Variants in RANGAP1 observed in about 807,000 individuals in gnomAD.
RANGAP1 encodes Ran GTPase activating protein 1, also known as ran GTPase-activating protein 1.
Under a neutral mutation model 63.5 loss-of-function variants are expected in RANGAP1, and 38 were observed. The observed-to-expected ratio is 0.60, with a 90% CI of 0.46 to 0.78. RANGAP1 has a LOEUF of 0.78. RANGAP1 is among the 30% of genes least tolerant of loss of function. The probability of loss-of-function intolerance (pLI) is 0.00; values close to 1 mark genes in which losing one functional copy is unlikely to be tolerated. For missense variants in RANGAP1, 630 were observed against 740.3 expected, an observed-to-expected ratio of 0.85 and a Z score of 1.73; for synonymous variants, 329 against 310.5, an observed-to-expected ratio of 1.06 and a Z score of -0.63.
chr22:41,249,965 C>A, intron 13 of RANGAP1, 148 bp from the exon 14 acceptor site: 1 of 683,110 alleles, frequency 1.5e-6, no homozygotes, highest in East Asian at 2.7e-5. Context: ...ACGGCAGAGA[C>A]ACAGGAACCA....
At chr22:41,274,315 A>T (rs1428650901) in intron 3 of RANGAP1, among the ~76,000 whole-genome samples, 2 of 152,234 alleles carry the variant, frequency 1.3e-5, no homozygotes, top group Non-Finnish European at 2.9e-5. Flanking sequence ...CCCACCTCAC[A>T]TGTGACAGCT....
At chr22:41,295,112 C>T in the RANGAP1 span, among the ~76,000 whole-genome samples, 3 of 149,730 alleles carry the variant, frequency 2.0e-5, no homozygotes, top group East Asian at 2.1e-4. Context: ...CCTCCCCGTC[C>T]GGGAGGTGAG....
intron 4 of RANGAP1, among the ~76,000 whole-genome samples, chr22:41,266,252 T>TAGACCTGAAGCAACCAC (rs1555938115): frequency 2.0e-5 from 3 of 150,790 alleles, no homozygotes; most frequent in South Asian, 2.1e-4. Context: ...AACTGACCTC[T>TAGACCTGAAGCAACCAC]AGCTGCTCAA....
chr22:41,265,567 C>T (rs1260089192), intron 4 of RANGAP1, among the ~76,000 whole-genome samples: 1 of 152,118 alleles, frequency 6.6e-6, no homozygotes. Context: ...ACAAATGCCT[C>T]CAGGGTTTCT....
chr22:41,292,789 A>T, the RANGAP1 span, among the ~76,000 whole-genome samples: 1 of 151,782 alleles, frequency 6.6e-6, no homozygotes, highest in Non-Finnish European at 1.5e-5. Context: ...CCAAAATGGA[A>T]ACAATTTTTT....
At chr22:41,292,483 G>A in the RANGAP1 span, among the ~76,000 whole-genome samples, 1 of 152,080 alleles carries the variant, frequency 6.6e-6, no homozygotes, top group Admixed American at 6.6e-5. Flanking sequence ...TCTTGTGGCC[G>A]GGTGCAATGT....
At chr22:41,268,249 T>C (rs2034599137) in intron 3 of RANGAP1, 93 bp from the exon 4 acceptor site, 1 of 1,075,308 alleles carries the variant, frequency 9.3e-7, no homozygotes. Context: ...TACCAGAGCA[T>C]CACAAGACTT....
chr22:41,251,964 G>A (rs767902855), intron 12 of RANGAP1, among the ~76,000 whole-genome samples: 5 of 152,144 alleles, frequency 3.3e-5, no homozygotes, highest in Admixed American at 1.3e-4. Context: ...GCAATTGGCC[G>A]AAATGTTAAG....
chr22:41,246,825 G>A (rs185715812), intron 15 of RANGAP1, among the ~76,000 whole-genome samples, 153 bp from the exon 16 acceptor site: 2 of 152,324 alleles, frequency 1.3e-5, no homozygotes, highest in Admixed American at 1.3e-4. Flanking sequence ...CACCGTGGGT[G>A]GGGATGGGAG....
the RANGAP1 span, among the ~76,000 whole-genome samples, chr22:41,296,608 C>A: frequency 6.7e-6 from 1 of 149,880 alleles, no homozygotes; most frequent in South Asian, 2.1e-4. Flanking sequence ...GATTGTGCCA[C>A]TACACTCTAG....
the RANGAP1 span, among the ~76,000 whole-genome samples, chr22:41,292,084 G>C: frequency 6.6e-6 from 1 of 150,836 alleles, no homozygotes; most frequent in South Asian, 2.1e-4. Flanking sequence ...TTACTGACAC[G>C]TGCCACCATG....
At chr22:41,295,289 G>A in the RANGAP1 span, among the ~76,000 whole-genome samples, 3 of 151,616 alleles carry the variant, frequency 2.0e-5, no homozygotes, top group African/African-American at 7.3e-5. Context: ...TTGAGAAATC[G>A]GATGGTTGCC....
chr22:41,286,277 C>G (rs896665517), upstream of RANGAP1: 1 of 152,298 alleles, frequency 6.6e-6, no homozygotes, highest in Non-Finnish European at 1.5e-5. Flanking sequence ...TTGCCCTCGC[C>G]CCGCTCGCGC....
intron 1 of RANGAP1, chr22:41,285,336 G>T: frequency 4.1e-6 from 1 of 243,224 alleles, no homozygotes; most frequent in Non-Finnish European, 6.6e-6. Flanking sequence ...GAGAGAGCGA[G>T]ACAGAGATGC....
chr22:41,247,898 G>A (rs2033157394), intron 15 of RANGAP1, among the ~76,000 whole-genome samples: 1 of 152,216 alleles, frequency 6.6e-6, no homozygotes, highest in African/African-American at 2.4e-5. Context: ...CAAGACCCAG[G>A]GGGCAGACTG....
At position 41,264,741 on chromosome 22, in the gene RANGAP1, G is replaced by A. The variant is rs775588184; in HGVS notation, c.403C>T (p.Leu135=). 2.0e-5 allele frequency: 33 copies of A among 1,613,984 alleles called. 1 individual carries two copies. In the Admixed American group the frequency reaches 5.5e-4, roughly 27 times the overall value. ...GPDGVQGFEA[L]LKSSACFTLQ... ...GTGAAGCAGGCTGAGCTCTTGAGCA[G>A]GGCCTCGAAGCCTTGCACACCGTCG... The change falls in exon 5 of 16, where the codon CTG becomes TTG. Residue 135 remains leucine (L), a synonymous_variant. Coordinates refer to ENST00000356244, the MANE Select transcript of RANGAP1 (RefSeq NM_002883.4).
chr22:41,296,909 A>AG, the RANGAP1 span, among the ~76,000 whole-genome samples: 1 of 152,176 alleles, frequency 6.6e-6, no homozygotes, highest in East Asian at 1.9e-4. Context: ...ATCCAAAGGC[A>AG]GGGAAAAAAT....
chr22:41,262,117 G>A (rs538863248), intron 5 of RANGAP1, among the ~76,000 whole-genome samples: 19 of 152,254 alleles, frequency 1.2e-4, no homozygotes, highest in Non-Finnish European at 2.1e-4. Flanking sequence ...CGGTCCAGAC[G>A]AACCTGTCTG....
rs561626157 is a variant in RANGAP1 at position 41,254,567 on chromosome 22, G to A, written c.1074-73C>T. 43 of 1,505,498 alleles carry A rather than the reference G, an allele frequency of 2.9e-5. 1 individual carries two copies. In the South Asian group the frequency reaches 4.8e-4, roughly 17 times the overall value. 93.3% of individuals were successfully genotyped at this position (1,505,498 alleles called of 1,614,324 possible). On this transcript the variant is annotated intron_variant, in intron 10 of 15. Coordinates refer to ENST00000356244, the MANE Select transcript of RANGAP1 (RefSeq NM_002883.4). Reference sequence around the variant, plus strand: ...GGTTGGCTCTAAGGCCTGGCTCCATGAGCCCAGAGACCTCACCTCAGCCAG... The same window carrying A: ...GGTTGGCTCTAAGGCCTGGCTCCATAAGCCCAGAGACCTCACCTCAGCCAG...
Sources: gnomAD v4.1 joint callset for allele counts (sites outside exome capture counted in the v4.1 genomes callset) on GRCh38, gnomAD v4.1.1 for gene constraint, MANE v1.5 for transcripts, NCBI Gene and HGNC (gene_info 2026-07-23, HGNC 2026-07-21) for gene names.